Variants in PRIMA1 observed in about 807,000 individuals in gnomAD.
The protein encoded by PRIMA1 is proline rich membrane anchor 1, also known as proline-rich membrane anchor 1.
In PRIMA1, 7 loss-of-function variants were observed where a neutral mutation model predicts 17.5. That is an observed-to-expected ratio of 0.40 (90% CI 0.23 to 0.75). The LOEUF (loss-of-function observed/expected upper bound fraction) is 0.75. Among genes scored for constraint, PRIMA1 ranks in the 30% least tolerant of loss-of-function variants. The pLI is 0.37. For synonymous variants in PRIMA1, 97 were observed against 77.9 expected (o/e 1.25, Z -1.29); for missense variants, 200 against 201.8 (o/e 0.99, Z 0.05).
intron 4 of PRIMA1, among the ~76,000 whole-genome samples, chr14:93,727,390 G>A: frequency 6.6e-6 from 1 of 152,200 alleles, no homozygotes. Context: ...GGAGGCTGAA[G>A]AAAGGATTGC....
At chr14:93,757,912 C>T (rs1219800444) in intron 3 of PRIMA1, among the ~76,000 whole-genome samples, 5 of 152,226 alleles carry the variant, frequency 3.3e-5, no homozygotes, top group Non-Finnish European at 7.3e-5. Flanking sequence ...ATGACGGACA[C>T]TGTTGGTGTC....
chr14:93,768,259 C>A (rs1884951534), intron 3 of PRIMA1, among the ~76,000 whole-genome samples: 1 of 152,166 alleles, frequency 6.6e-6, no homozygotes, highest in Admixed American at 6.5e-5. Context: ...CTAAACCCTG[C>A]AAACATATTA....
chr14:93,720,242 G>C lies in PRIMA1; in HGVS notation c.*1202C>G, dbSNP rs2076028642. 6.6e-6 allele frequency: 1 copy of C among 152,194 alleles called. No homozygotes were observed. The highest frequency in any genetic ancestry group is 2.4e-5 in the African/African-American group (1 of 41,434). The allele number at this position is 152,194 out of a possible 1,614,324, so 9.4% of individuals were successfully genotyped here. On this transcript the variant is annotated 3_prime_UTR_variant, in exon 5 of 5. Transcript: ENST00000393140. Reference sequence around the variant, plus strand: ...GTTTCCTGATGTGGCCCACAGGGAAGGCTGCCACTTGGGAGACAGGCCAAC... The same window carrying C: ...GTTTCCTGATGTGGCCCACAGGGAACGCTGCCACTTGGGAGACAGGCCAAC...
chr14:93,760,657 T>C (rs2076320962), intron 3 of PRIMA1, among the ~76,000 whole-genome samples: 1 of 152,054 alleles, frequency 6.6e-6, no homozygotes, highest in Non-Finnish European at 1.5e-5. Flanking sequence ...AGGGAGCAGC[T>C]CTCACTCATC....
At chr14:93,734,381 C>T (rs1171230290) in intron 4 of PRIMA1, among the ~76,000 whole-genome samples, 5 of 152,206 alleles carry the variant, frequency 3.3e-5, no homozygotes, top group African/African-American at 1.2e-4. Flanking sequence ...CTGCTGGGAG[C>T]AATTCTTCCC....
chr14:93,722,071 A>G (rs34315504), intron 4 of PRIMA1, among the ~76,000 whole-genome samples: 14,554 of 32,210 alleles, frequency 0.45, 1,990 homozygotes, highest in Middle Eastern at 0.52. Flanking sequence ...TAATGGGGTG[A>G]TGGTGGTAGT....
In PRIMA1 at chr14:93,718,562, T is replaced by C. The variant is rs868562964; in HGVS notation, c.*2882A>G. On this transcript the variant is annotated 3_prime_UTR_variant, in exon 5 of 5. Transcript: ENST00000393140. Reference sequence around the variant, plus strand: ...ATTTCAGGATATTCACATTCATGCATTACGTATCTCACACTACCTGGGCAG... The same window carrying C: ...ATTTCAGGATATTCACATTCATGCACTACGTATCTCACACTACCTGGGCAG... The C allele has an allele frequency of 6.6e-6, 1 of 152,590 alleles. No homozygotes were observed. The highest frequency in any genetic ancestry group is 1.5e-5 in the Non-Finnish European group (1 of 68,044). The allele number at this position is 152,590 out of a possible 1,614,324, so 9.5% of individuals were successfully genotyped here.
At chr14:93,727,295 G>A (rs892025581) in intron 4 of PRIMA1, among the ~76,000 whole-genome samples, 19 of 152,280 alleles carry the variant, frequency 1.2e-4, no homozygotes, top group African/African-American at 4.3e-4. Flanking sequence ...CCGGGGGAGG[G>A]GCTTCTCACA....
intron 4 of PRIMA1, among the ~76,000 whole-genome samples, chr14:93,730,970 C>T (rs1409222930): frequency 2.0e-5 from 3 of 152,108 alleles, no homozygotes; most frequent in African/African-American, 7.2e-5. Flanking sequence ...AGGGTGACAA[C>T]TGTGCAACAG....
intron 3 of PRIMA1, among the ~76,000 whole-genome samples, chr14:93,763,785 C>T (rs540305698): frequency 2.6e-5 from 4 of 152,180 alleles, no homozygotes; most frequent in South Asian, 2.1e-4. Flanking sequence ...CAGTCCCCAC[C>T]GTCTCTTCTC....
At chr14:93,731,035 T>A (rs563964119) in intron 4 of PRIMA1, among the ~76,000 whole-genome samples, 2 of 151,966 alleles carry the variant, frequency 1.3e-5, no homozygotes, top group African/African-American at 4.8e-5. Context: ...AGGACAAAAA[T>A]GGAACTGATA....
chr14:93,748,606 C>T (rs573768045), intron 3 of PRIMA1, among the ~76,000 whole-genome samples: 50 of 151,938 alleles, frequency 3.3e-4, no homozygotes, highest in South Asian at 2.9e-3. Context: ...GTGGCCGAGG[C>T]CCTTCCTGAG....
At chr14:93,759,447 G>C (rs1053986052) in intron 3 of PRIMA1, among the ~76,000 whole-genome samples, 1 of 152,120 alleles carries the variant, frequency 6.6e-6, no homozygotes, top group Non-Finnish European at 1.5e-5. Flanking sequence ...GAAGGAGAGC[G>C]AAGGGCGGGG....
chr14:93,776,129 G>GGAGAAATCAGGA (rs1318434826), intron 3 of PRIMA1, among the ~76,000 whole-genome samples: 1 of 152,214 alleles, frequency 6.6e-6, no homozygotes, highest in Non-Finnish European at 1.5e-5. Context: ...AGGCAACCCA[G>GGAGAAATCAGGA]GAGAAATCAG....
chr14:93,774,252 G>T lies in PRIMA1; in HGVS notation c.229+4924C>A, dbSNP rs992515013. ...GTTCCAGTTTGTCCAGGACTGAGGG[G>T]TTTCCTGGGGCACAGGACCTTCGGG... is the stretch of plus-strand genomic sequence containing the variant. On this transcript the variant is annotated intron_variant, in intron 3 of 4. Transcript: ENST00000393140. Among the ~76,000 whole-genome samples the T allele has an allele frequency of 2.0e-5, 3 of 152,316 alleles. No individual in the cohort carries two copies. The East Asian group carries it at 5.8e-4, about 29-fold the overall frequency.
At chr14:93,788,947 C>T (rs527523721), upstream of PRIMA1, among the ~76,000 whole-genome samples, 1,343 of 152,228 alleles carry the variant, frequency 8.8e-3, 25 homozygotes, top group African/African-American at 0.031. Flanking sequence ...CACGCTGGCC[C>T]GCGAGAGGCA....
intron 3 of PRIMA1, among the ~76,000 whole-genome samples, chr14:93,744,060 A>T (rs969393763): frequency 1.3e-5 from 2 of 152,228 alleles, no homozygotes; most frequent in Non-Finnish European, 2.9e-5. Flanking sequence ...TCTGTTTTGT[A>T]GACCCTTTGG....
intron 2 of PRIMA1, among the ~76,000 whole-genome samples, chr14:93,786,444 GGACT>G (rs1885525143): frequency 6.6e-6 from 1 of 152,218 alleles, no homozygotes; most frequent in South Asian, 2.1e-4. Flanking sequence ...CATCCAGGCA[GGACT>G]GACTGAGCAA....
At position 93,768,372 on chromosome 14, in the gene PRIMA1, T is replaced by A. The variant is rs150844712; in HGVS notation, c.229+10804A>T. 2.0e-5 allele frequency among the ~76,000 whole-genome samples: 3 copies of A among 152,330 alleles called. No individual in the cohort carries two copies. In the East Asian group the frequency reaches 5.8e-4, roughly 29 times the overall value. ...TTTTGGGTCTAAGTTCCATCACACCTCACCTGTTTCTATTTTGATACAGGT... is the reference window on the plus strand; with the variant it reads ...TTTTGGGTCTAAGTTCCATCACACCACACCTGTTTCTATTTTGATACAGGT... On this transcript the variant is annotated intron_variant, in intron 3 of 4. Coordinates refer to ENST00000393140, the MANE Select transcript of PRIMA1 (RefSeq NM_178013.4).
Sources: gnomAD v4.1 joint callset for allele counts (sites outside exome capture counted in the v4.1 genomes callset) on GRCh38, gnomAD v4.1.1 for gene constraint, MANE v1.5 for transcripts, NCBI Gene and HGNC (gene_info 2026-07-23, HGNC 2026-07-21) for gene names.